The following PALS2 variants were observed in gnomAD, a reference collection of about 807,000 sequenced individuals.
PALS2 encodes the protein protein associated with LIN7 2, MAGUK p55 family member.
PALS2 carries 27 observed loss-of-function variants against 61.6 expected under a neutral mutation model. That is an observed-to-expected ratio of 0.44 (90% CI 0.32 to 0.60). The LOEUF is 0.60. PALS2 is among the 20% of genes least tolerant of loss of function. PALS2 has a pLI of 0.05. For synonymous variants in PALS2, 236 were observed against 218.6 expected, an observed-to-expected ratio of 1.08 and a Z score of -0.70; for missense variants, 554 against 639.4, an observed-to-expected ratio of 0.87 and a Z score of 1.44.
chr7:24,576,855 G>A (rs985062), intron 1 of PALS2, among the ~76,000 whole-genome samples: 76,035 of 152,058 alleles, frequency 0.5, 22,837 homozygotes, highest in African/African-American at 0.83. Flanking sequence ...TCATTTCACC[G>A]CAGAGGGGAA....
At chr7:24,660,279 A>G (rs1379447438) in intron 5 of PALS2, among the ~76,000 whole-genome samples, 1 of 152,086 alleles carries the variant, frequency 6.6e-6, no homozygotes, top group Non-Finnish European at 1.5e-5. Flanking sequence ...ATATGTATTC[A>G]GTTGAGATCT....
intron 2 of PALS2, among the ~76,000 whole-genome samples, chr7:24,627,467 G>A (rs1376599095): frequency 1.3e-5 from 2 of 151,982 alleles, no homozygotes; most frequent in African/African-American, 4.8e-5. Flanking sequence ...AGAAGCAAGA[G>A]CAATTAAATT....
intron 5 of PALS2, among the ~76,000 whole-genome samples, chr7:24,655,589 T>G (rs1466207323): frequency 6.6e-6 from 1 of 151,884 alleles, no homozygotes; most frequent in Non-Finnish European, 1.5e-5. Flanking sequence ...AACTTAAGAA[T>G]TATGATTAGT....
chr7:24,598,133 T>C (rs553241391), intron 1 of PALS2, among the ~76,000 whole-genome samples: 1 of 152,156 alleles, frequency 6.6e-6, no homozygotes, highest in East Asian at 1.9e-4. Flanking sequence ...TTTCACTGAG[T>C]CCAAATGTGA....
At chr7:24,669,185 G>C (rs1787178640) in intron 9 of PALS2, among the ~76,000 whole-genome samples, 1 of 152,122 alleles carries the variant, frequency 6.6e-6, no homozygotes, top group Non-Finnish European at 1.5e-5. Flanking sequence ...AGGTTACAGA[G>C]TCTGATGTAT....
intron 3 of PALS2, among the ~76,000 whole-genome samples, chr7:24,648,904 C>CAAAA (rs763677372): frequency 3.3e-5 from 3 of 90,592 alleles, no homozygotes; most frequent in Non-Finnish European, 6.0e-5. Flanking sequence ...GACTCTGTCT[C>CAAAA]AAAAAAGAAA....
In PALS2 at chr7:24,693,282, A is replaced by G. The variant is rs1360152258; in HGVS notation, c.*5668A>G. On this transcript the variant is annotated 3_prime_UTR_variant, in exon 12 of 12. Transcript: ENST00000222644. ...AATTGGAAATAGATGTCTTTATTGT[A>G]CTTCAGCCAACAGCAAGCCAGGGGA... 5.3e-5 allele frequency: 8 copies of G among 152,190 alleles called. No individual in the cohort carries two copies. The East Asian group carries it at 1.5e-3, about 29-fold the overall frequency. The allele number at this position is 152,190 out of a possible 1,614,324, so 9.4% of individuals were successfully genotyped here. A position where few individuals can be genotyped will look rare whatever the true frequency, so the allele number is the denominator to read the frequency against.
intron 1 of PALS2, among the ~76,000 whole-genome samples, chr7:24,588,050 G>C (rs2128042285): frequency 6.6e-6 from 1 of 152,222 alleles, no homozygotes; most frequent in South Asian, 2.1e-4. Flanking sequence ...ACATCTAGTG[G>C]GTAGAGGCCA....
At chr7:24,678,552 A>G (rs78156571) in intron 9 of PALS2, among the ~76,000 whole-genome samples, 1,537 of 152,312 alleles carry the variant, frequency 0.01, 24 homozygotes, top group African/African-American at 0.034. Flanking sequence ...ATCACAACTA[A>G]GAACAGGTGA....
chr7:24,665,531 A>G, intron 6 of PALS2, 57 bp from the exon 7 acceptor site: 1 of 1,495,684 alleles, frequency 6.7e-7, no homozygotes, highest in Admixed American at 1.7e-5. Context: ...CTTACTTAAT[A>G]GAATATGGTC....
chr7:24,642,010 T>C, intron 3 of PALS2, 142 bp downstream of exon 3: 1 of 840,062 alleles, frequency 1.2e-6, no homozygotes. Flanking sequence ...CTTGGTATTT[T>C]AATGTCCTCA....
chr7:24,600,003 CCTT>C (rs1258337415), intron 1 of PALS2, among the ~76,000 whole-genome samples: 1 of 152,038 alleles, frequency 6.6e-6, no homozygotes, highest in African/African-American at 2.4e-5. Context: ...GATAACAGTG[CCTT>C]CTTCTGGAAT....
At chr7:24,600,026 A>C (rs563909323) in intron 1 of PALS2, among the ~76,000 whole-genome samples, 10 of 152,152 alleles carry the variant, frequency 6.6e-5, no homozygotes, top group African/African-American at 2.2e-4. Flanking sequence ...TCTCCTGAAG[A>C]ACCTGCCTGA....
At chr7:24,633,685 A>G (rs1177539510) in intron 2 of PALS2, among the ~76,000 whole-genome samples, 2 of 152,086 alleles carry the variant, frequency 1.3e-5, no homozygotes, top group Non-Finnish European at 2.9e-5. Flanking sequence ...TACTCAACCT[A>G]TATTATGAAT....
intron 9 of PALS2, among the ~76,000 whole-genome samples, chr7:24,668,935 C>T (rs191573181): frequency 7.0e-4 from 106 of 152,256 alleles, no homozygotes; most frequent in Non-Finnish European, 1.0e-3. Context: ...ATTTAAGACT[C>T]GTGGCAAGAT....
chr7:24,607,139 A>G (rs1376065964), intron 1 of PALS2, among the ~76,000 whole-genome samples: 1 of 152,110 alleles, frequency 6.6e-6, no homozygotes, highest in Non-Finnish European at 1.5e-5. Flanking sequence ...TATATTTTTC[A>G]GGTAAGAAGA....
At chr7:24,678,633 A>G (rs751422582) in intron 9 of PALS2, among the ~76,000 whole-genome samples, 2 of 152,156 alleles carry the variant, frequency 1.3e-5, no homozygotes, top group Non-Finnish European at 2.9e-5. Flanking sequence ...ATAGATTCCT[A>G]AGGAGAAGGA....
rs1011428451 is a variant in PALS2 at position 24,689,249 on chromosome 7, A to G, written c.*1635A>G. 21 of 152,242 alleles carry G rather than the reference A, an allele frequency of 1.4e-4. No homozygotes were observed. Among genetic ancestry groups the G allele is most frequent in the African/African-American group, 4.3e-4 (18 of 41,468 alleles). The allele number at this position is 152,242 out of a possible 1,614,324, so 9.4% of individuals were successfully genotyped here. A position where few individuals can be genotyped will look rare whatever the true frequency, so the allele number is the denominator to read the frequency against. On this transcript the variant is annotated 3_prime_UTR_variant, in exon 12 of 12. Transcript: ENST00000222644. ...GGATAATAGAAATTCTTCCTAAAACATACTCAGAGATGCAGCTCATTATTA... is the reference window on the plus strand; with the variant it reads ...GGATAATAGAAATTCTTCCTAAAACGTACTCAGAGATGCAGCTCATTATTA...
intron 2 of PALS2, among the ~76,000 whole-genome samples, chr7:24,624,888 C>G (rs1279816658): frequency 4.6e-5 from 7 of 152,090 alleles, no homozygotes; most frequent in Non-Finnish European, 8.8e-5. Flanking sequence ...GCATAAGCCA[C>G]CAGGCCCGGC....
Sources: allele counts gnomAD v4.1 joint callset (sites outside exome capture counted in the v4.1 genomes callset), GRCh38; gene constraint gnomAD v4.1.1; transcripts MANE v1.5; gene names NCBI Gene and HGNC (gene_info 2026-07-23, HGNC 2026-07-21).